HMGA2: variants seen among roughly 807,000 people sequenced by gnomAD.
HMGA2 encodes high mobility group protein HMGI-C.
In HMGA2, 8 loss-of-function variants were observed where a neutral mutation model predicts 19.1. The observed-to-expected ratio is 0.42, with a 90% CI of 0.25 to 0.76. The LOEUF is 0.76. Ranked by LOEUF, HMGA2 falls within the 30% of genes least tolerant of loss-of-function variation. The pLI, the probability that HMGA2 is intolerant of heterozygous loss-of-function variation, is 0.28. For missense variants in HMGA2, 109 were observed against 136.3 expected (o/e 0.80, Z 1.00); for synonymous variants, 60 against 48.8 (o/e 1.23, Z -0.96).
rs12829124 is a variant in HMGA2 at position 65,831,533 on chromosome 12, G to A, written c.198+3446G>A. Among the ~76,000 whole-genome samples the A allele has an allele frequency of 1.6e-3, 238 of 151,822 alleles. 1 individual carries two copies. Among genetic ancestry groups the A allele is most frequent in the Admixed American group, 3.5e-3 (54 of 15,262 alleles). ...TTGTTCACCACCCTTTTGACTTTAG[G>A]TGTAATGGACAGATCTAGGAAGCAA... On this transcript the variant is annotated intron_variant, in intron 2 of 4. Coordinates refer to ENST00000403681, the MANE Select transcript of HMGA2 (RefSeq NM_003483.6).
chr12:65,951,406 G>T lies in HMGA2; in HGVS notation c.273G>T (p.Lys91Asn). 6.5e-7 allele frequency: 1 copy of T among 1,530,170 alleles called. No individual in the cohort carries two copies. The highest frequency in any genetic ancestry group is 8.8e-7 in the Non-Finnish European group (1 of 1,130,726). 94.8% of individuals were successfully genotyped at this position (1,530,170 alleles called of 1,614,324 possible). Reference protein sequence around the residue: ...RKWPQQVVQKKPAQEETEETS... With the variant: ...RKWPQQVVQKNPAQEETEETS... The stretch of plus-strand genomic sequence containing the variant: ...AGCCACAACAAGTTGTTCAGAAGAA[G>T]CCTGCTCAGGTAAGACATAGTCATT... Residue 91 changes from lysine to asparagine, a missense_variant, in exon 4 of 5, where the codon AAG (lysine) becomes AAT (asparagine). Coordinates refer to ENST00000403681, the MANE Select transcript of HMGA2 (RefSeq NM_003483.6).
In HMGA2 at chr12:65,964,242, C is replaced by T. The variant is rs926517939; in HGVS notation, c.*950C>T. On this transcript the variant is annotated 3_prime_UTR_variant, in exon 5 of 5. Transcript: ENST00000403681. ...TCACCTAATTATGAGGTGGGAGGAGCGAAATCTAAATTTCTTTTGCTATAG... is the reference window on the plus strand; with the variant it reads ...TCACCTAATTATGAGGTGGGAGGAGTGAAATCTAAATTTCTTTTGCTATAG... The T allele has an allele frequency of 8.7e-5, 18 of 205,778 alleles. No homozygotes were observed. Among genetic ancestry groups the T allele is most frequent in the Non-Finnish European group, 3.9e-5 (4 of 102,130 alleles). The allele number at this position is 205,778 out of a possible 1,614,324, so 12.7% of individuals were successfully genotyped here.
At chr12:65,949,586 T>G (rs1876386613) in intron 3 of HMGA2, among the ~76,000 whole-genome samples, 1 of 152,208 alleles carries the variant, frequency 6.6e-6, no homozygotes, top group African/African-American at 2.4e-5. Flanking sequence ...AAGCTCAGGC[T>G]TCAAATCCAT....
intron 3 of HMGA2, among the ~76,000 whole-genome samples, chr12:65,889,633 G>A (rs1014916091): frequency 1.3e-5 from 2 of 152,314 alleles, no homozygotes; most frequent in African/African-American, 4.8e-5. Context: ...GTATGTAGGT[G>A]AGGAGTTGCT....
intron 3 of HMGA2, among the ~76,000 whole-genome samples, chr12:65,897,308 A>G (rs1408813796): frequency 6.6e-6 from 1 of 152,222 alleles, no homozygotes; most frequent in Non-Finnish European, 1.5e-5. Context: ...GTGGCATAAC[A>G]CTGTTTTTTT....
At chr12:65,847,325 C>T (rs1871273716) in intron 3 of HMGA2, among the ~76,000 whole-genome samples, 1 of 152,106 alleles carries the variant, frequency 6.6e-6, no homozygotes, top group Non-Finnish European at 1.5e-5. Flanking sequence ...CAGAAAAAAA[C>T]AGGAAAATTC....
chr12:65,914,408 C>A (rs1259519208), intron 3 of HMGA2, among the ~76,000 whole-genome samples: 1 of 149,082 alleles, frequency 6.7e-6, no homozygotes, highest in Non-Finnish European at 1.5e-5. Flanking sequence ...AAACCAAACA[C>A]CGCATATTCT....
At chr12:65,848,638 T>C (rs77160235) in intron 3 of HMGA2, among the ~76,000 whole-genome samples, 1 of 151,882 alleles carries the variant, frequency 6.6e-6, no homozygotes, top group African/African-American at 2.4e-5. Flanking sequence ...GGGTGGATCA[T>C]GAGGTCAGGA....
intron 3 of HMGA2, among the ~76,000 whole-genome samples, chr12:65,855,086 G>A (rs1871663258): frequency 6.6e-6 from 1 of 152,192 alleles, no homozygotes; most frequent in Non-Finnish European, 1.5e-5. Context: ...TTTTCCTGAA[G>A]GCACATACAA....
chr12:65,862,625 A>G (rs1872163312), intron 3 of HMGA2, among the ~76,000 whole-genome samples: 2 of 152,252 alleles, frequency 1.3e-5, no homozygotes, highest in Non-Finnish European at 2.9e-5. Context: ...GACCTGGACT[A>G]GAAGTATGTG....
chr12:65,929,051 T>A (rs948327290), intron 3 of HMGA2, among the ~76,000 whole-genome samples: 1 of 152,208 alleles, frequency 6.6e-6, no homozygotes, highest in Non-Finnish European at 1.5e-5. Flanking sequence ...CACAGCAAAC[T>A]TTTAGAATCG....
chr12:65,841,684 T>C (rs2583937), intron 3 of HMGA2, among the ~76,000 whole-genome samples: 11,350 of 152,282 alleles, frequency 0.075, 476 homozygotes, highest in South Asian at 0.14. Context: ...ATTAGGTATA[T>C]GGGTTAGAAG....
chr12:65,925,669 T>TA (rs1408924093), intron 3 of HMGA2, among the ~76,000 whole-genome samples: 1 of 152,088 alleles, frequency 6.6e-6, no homozygotes, highest in Non-Finnish European at 1.5e-5. Context: ...AGAGTTGGAG[T>TA]AAAAAATGAA....
intron 3 of HMGA2, among the ~76,000 whole-genome samples, chr12:65,944,021 G>T (rs1289741602): frequency 6.6e-6 from 1 of 152,178 alleles, no homozygotes; most frequent in Non-Finnish European, 1.5e-5. Context: ...GTACCTAGAG[G>T]TGTGATTTGT....
At chr12:65,828,413 C>A in intron 2 of HMGA2, 1 of 333,050 alleles carries the variant, frequency 3.0e-6, no homozygotes, top group Non-Finnish European at 5.8e-6. Context: ...ATATTTGCAC[C>A]AGTTGTAAAT....
At chr12:65,835,292 A>G (rs1411897112) in intron 2 of HMGA2, among the ~76,000 whole-genome samples, 1 of 152,218 alleles carries the variant, frequency 6.6e-6, no homozygotes, top group Admixed American at 6.5e-5. Context: ...ATGTTTTCCA[A>G]TATGTAAAAA....
At position 65,824,729 on chromosome 12, in the gene HMGA2, C is replaced by CTG; in HGVS notation, c.-541_-540insGT. 5.3e-6 allele frequency: 1 copy of CTG among 188,746 alleles called. No homozygotes were observed. Among genetic ancestry groups the CTG allele is most frequent in the African/African-American group, 3.1e-5 (1 of 31,874 alleles). The allele number at this position is 188,746 out of a possible 1,614,324, so 11.7% of individuals were successfully genotyped here. ...CTCAATCTCTTCTCTCTCTCTCTCTCTCTCTCTCTCTCTCTCTCTCTCTCT... is the reference window on the plus strand; with the variant it reads ...CTCAATCTCTTCTCTCTCTCTCTCTCTGTCTCTCTCTCTCTCTCTCTCTCTCT... On this transcript the variant is annotated 5_prime_UTR_variant, in exon 1 of 5. Transcript: ENST00000403681.
At chr12:65,887,621 G>A (rs1400962961) in intron 3 of HMGA2, among the ~76,000 whole-genome samples, 2 of 152,050 alleles carry the variant, frequency 1.3e-5, no homozygotes, top group Non-Finnish European at 2.9e-5. Flanking sequence ...AACTCAGGAG[G>A]CTGAGGCAGG....
intron 3 of HMGA2, among the ~76,000 whole-genome samples, chr12:65,930,464 CG>C (rs1292160191): frequency 6.6e-6 from 1 of 152,154 alleles, no homozygotes; most frequent in African/African-American, 2.4e-5. Flanking sequence ...AGAGAGTTTG[CG>C]GGGAGCTTGG....
Sources: allele counts gnomAD v4.1 joint callset (sites outside exome capture counted in the v4.1 genomes callset), GRCh38; gene constraint gnomAD v4.1.1; transcripts MANE v1.5; gene names NCBI Gene and HGNC (gene_info 2026-07-23, HGNC 2026-07-21).